The following UGGT2 variants were observed in gnomAD, a reference collection of about 807,000 sequenced individuals.
The protein encoded by UGGT2 is UDP-glucose glycoprotein glucosyltransferase 2.
Under a neutral mutation model 192.1 loss-of-function variants are expected in UGGT2, and 180 were observed. The observed-to-expected ratio is 0.94, with a 90% CI of 0.83 to 1.06. The LOEUF (loss-of-function observed/expected upper bound fraction) is 1.06, where lower values mean the gene tolerates loss of function less well. Among genes scored for constraint, UGGT2 ranks in the 50% least tolerant of loss-of-function variants. The pLI is 0.00. For missense variants in UGGT2, 1,849 were observed against 1,795.7 expected, an observed-to-expected ratio of 1.03 and a Z score of -0.54; for synonymous variants, 580 against 591.0, an observed-to-expected ratio of 0.98 and a Z score of 0.27.
chr13:95,882,727 C>T (rs937140147), intron 27 of UGGT2, among the ~76,000 whole-genome samples: 5 of 152,160 alleles, frequency 3.3e-5, no homozygotes, highest in Non-Finnish European at 5.9e-5. Flanking sequence ...AGATTTGACA[C>T]TCACTACAAA....
At chr13:96,014,905 T>C (rs2052279891) in intron 4 of UGGT2, among the ~76,000 whole-genome samples, 1 of 152,124 alleles carries the variant, frequency 6.6e-6, no homozygotes, top group Admixed American at 6.5e-5. Flanking sequence ...TAGAAGTACA[T>C]TTAGTAATTT....
chr13:95,973,658 G>A (rs1277675803), intron 10 of UGGT2, among the ~76,000 whole-genome samples: 1 of 152,146 alleles, frequency 6.6e-6, no homozygotes, highest in African/African-American at 2.4e-5. Flanking sequence ...AAAGGGGGAT[G>A]TTCTTGTCAC....
chr13:96,046,155 G>A lies in UGGT2; in HGVS notation c.158+7000C>T, dbSNP rs567838960. Among the ~76,000 whole-genome samples, 7 of 152,192 alleles carry A rather than the reference G, an allele frequency of 4.6e-5. No individual in the cohort carries two copies. In the South Asian group the frequency reaches 6.2e-4, roughly 14 times the overall value. On this transcript the variant is annotated intron_variant, in intron 1 of 38. Transcript: ENST00000376747. The stretch of plus-strand genomic sequence containing the variant: ...AAACAGGCACATAGACCAATGGAAC[G>A]TAATAGAGAATCCAGAAATAAACCC...
chr13:95,830,720 C>T (rs181576708), intron 38 of UGGT2, among the ~76,000 whole-genome samples: 156 of 152,232 alleles, frequency 1.0e-3, no homozygotes, highest in South Asian at 8.3e-4. Flanking sequence ...GTCAGTGTGG[C>T]GATTCCTCAA....
chr13:95,936,176 G>T (rs1216945714), intron 17 of UGGT2, among the ~76,000 whole-genome samples: 4 of 152,166 alleles, frequency 2.6e-5, no homozygotes, highest in Non-Finnish European at 5.9e-5. Context: ...TCAAAAGACT[G>T]GTTTTCAAGC....
At chr13:95,948,333 G>A (rs1035353486) in intron 13 of UGGT2, among the ~76,000 whole-genome samples, 3 of 151,530 alleles carry the variant, frequency 2.0e-5, no homozygotes, top group South Asian at 2.1e-4. Flanking sequence ...TTAACATCAG[G>A]CTACTCATCT....
At chr13:95,987,805 T>C (rs561673262) in intron 8 of UGGT2, among the ~76,000 whole-genome samples, 2 of 152,108 alleles carry the variant, frequency 1.3e-5, no homozygotes, top group African/African-American at 2.4e-5. Context: ...AACAGAACTT[T>C]CTCAGAGAAG....
At chr13:95,832,076 C>T (rs79923062) in intron 38 of UGGT2, among the ~76,000 whole-genome samples, 2,871 of 142,424 alleles carry the variant, frequency 0.02, 85 homozygotes, top group African/African-American at 0.071. Flanking sequence ...CAAGATGAAA[C>T]AATTTCACGT....
chr13:95,978,671 A>C (rs2051018447), intron 10 of UGGT2, among the ~76,000 whole-genome samples: 1 of 152,182 alleles, frequency 6.6e-6, no homozygotes, highest in African/African-American at 2.4e-5. Flanking sequence ...CTCACATTTA[A>C]GTCTTTAACC....
chr13:96,049,772 G>A, intron 1 of UGGT2, among the ~76,000 whole-genome samples: 1 of 152,088 alleles, frequency 6.6e-6, no homozygotes, highest in East Asian at 1.9e-4. Context: ...CAACTTACAA[G>A]GGATGTGAAG....
chr13:95,884,733 T>C (rs2047597340), intron 26 of UGGT2, 53 bp from the exon 27 acceptor site: 2 of 1,498,386 alleles, frequency 1.3e-6, no homozygotes, highest in Admixed American at 4.5e-5. Context: ...GATTTTTCTT[T>C]TAAAATATTT....
At chr13:95,945,814 G>T (rs759201236) in intron 15 of UGGT2, among the ~76,000 whole-genome samples, 9 of 152,066 alleles carry the variant, frequency 5.9e-5, no homozygotes, top group Non-Finnish European at 1.0e-4. Context: ...ATTTTATAGA[G>T]CAAACTGTAC....
chr13:95,908,534 C>A (rs1367353336), intron 20 of UGGT2, among the ~76,000 whole-genome samples: 4 of 152,152 alleles, frequency 2.6e-5, no homozygotes, highest in Non-Finnish European at 5.9e-5. Context: ...CTGACTTCCA[C>A]AATGGTTGAA....
chr13:95,961,210 CAG>C (rs1250077343), intron 12 of UGGT2, among the ~76,000 whole-genome samples: 1 of 151,988 alleles, frequency 6.6e-6, no homozygotes, highest in African/African-American at 2.4e-5. Flanking sequence ...ACAAAATAAA[CAG>C]AAATCAACTA....
At chr13:95,832,887 C>T in intron 38 of UGGT2, 40 bp downstream of exon 38, 2 of 1,605,062 alleles carry the variant, frequency 1.2e-6, no homozygotes, top group Non-Finnish European at 1.7e-6. Context: ...CTCATTAATG[C>T]AACGCATGTT....
intron 17 of UGGT2, among the ~76,000 whole-genome samples, chr13:95,928,056 C>T (rs979184038): frequency 3.9e-5 from 6 of 152,170 alleles, no homozygotes; most frequent in African/African-American, 9.7e-5. Flanking sequence ...GTCTCCTATG[C>T]CCACTTCTTT....
intron 22 of UGGT2, among the ~76,000 whole-genome samples, chr13:95,900,453 G>A (rs1327962509): frequency 6.6e-6 from 1 of 152,118 alleles, no homozygotes; most frequent in Non-Finnish European, 1.5e-5. Context: ...GAAGAAAGAT[G>A]TCATAACCTA....
chr13:95,845,015 ATC>A (rs1281084945), intron 36 of UGGT2, among the ~76,000 whole-genome samples: 1 of 152,166 alleles, frequency 6.6e-6, no homozygotes, highest in Middle Eastern at 3.2e-3. Flanking sequence ...ACTGGAGTAT[ATC>A]AAATGCTCTT....
At chr13:95,866,776 T>C (rs1051739246) in intron 30 of UGGT2, among the ~76,000 whole-genome samples, 4 of 152,144 alleles carry the variant, frequency 2.6e-5, no homozygotes, top group African/African-American at 4.8e-5. Context: ...GTAGCTTCCT[T>C]GGGTCAAGAG....
Sources: allele counts gnomAD v4.1 joint callset (sites outside exome capture counted in the v4.1 genomes callset), GRCh38; gene constraint gnomAD v4.1.1; transcripts MANE v1.5; gene names NCBI Gene and HGNC (gene_info 2026-07-23, HGNC 2026-07-21).